ZNF827: variants seen among roughly 807,000 people sequenced by gnomAD.
ZNF827 encodes the protein zinc finger protein 827.
Under a neutral mutation model 102.4 loss-of-function variants are expected in ZNF827, and 13 were observed. The ratio of observed to expected loss-of-function variants is 0.13; its 90% CI spans 0.08 to 0.20. ZNF827 has a LOEUF of 0.20. Ranked by LOEUF, ZNF827 falls within the 10% of genes least tolerant of loss-of-function variation. The pLI, the probability that ZNF827 is intolerant of heterozygous loss-of-function variation, is 1.00. For missense variants in ZNF827, 1,103 were observed against 1,344.4 expected, an observed-to-expected ratio of 0.82 and a Z score of 2.81; for synonymous variants, 523 against 536.2, an observed-to-expected ratio of 0.98 and a Z score of 0.34.
Position 145,892,228 on chromosome 4 carries a change from C to A in ZNF827, c.1266+15G>T. ...TGCCTGCCTCTCCAGGAGGTGCAGT[C>A]GGTAGGTGGCTTACCTTCATGTGGG... On this transcript the variant is annotated intron_variant, in intron 3 of 14. Coordinates refer to ENST00000508784, the MANE Select transcript of ZNF827 (RefSeq NM_001306215.2). The A allele has an allele frequency of 1.3e-6, 2 of 1,594,506 alleles. No homozygotes were observed. The highest frequency in any genetic ancestry group is 1.7e-6 in the Non-Finnish European group (2 of 1,167,090).
At chr4:145,821,825 T>C (rs1743171588) in intron 8 of ZNF827, among the ~76,000 whole-genome samples, 1 of 152,176 alleles carries the variant, frequency 6.6e-6, no homozygotes. Flanking sequence ...GTTAAGCATA[T>C]AATGAAATCA....
At chr4:145,907,320 C>T (rs186199389) in intron 1 of ZNF827, 20 of 416,560 alleles carry the variant, frequency 4.8e-5, no homozygotes, top group African/African-American at 2.1e-4. Flanking sequence ...GCAGAGTGTA[C>T]GACAACCTGC....
intron 9 of ZNF827, among the ~76,000 whole-genome samples, chr4:145,778,525 T>C (rs1402819946): frequency 6.6e-6 from 1 of 152,050 alleles, no homozygotes; most frequent in African/African-American, 2.4e-5. Context: ...GATGGAAGGA[T>C]CACTTGAACC....
chr4:145,879,262 C>A (rs183451757), intron 4 of ZNF827, among the ~76,000 whole-genome samples: 2 of 152,340 alleles, frequency 1.3e-5, no homozygotes, highest in African/African-American at 4.8e-5. Flanking sequence ...TTTACTATTA[C>A]AGACCCTATA....
Position 145,761,155 on chromosome 4 carries a change from G to A in ZNF827, c.*461C>T. ...CGGGCCGGCCGGTTCCTTGGGGGCTGGACACAGGCCCTTCTTGTCCTCCTC... is the reference window on the plus strand; with the variant it reads ...CGGGCCGGCCGGTTCCTTGGGGGCTAGACACAGGCCCTTCTTGTCCTCCTC... On this transcript the variant is annotated 3_prime_UTR_variant, in exon 15 of 15. Transcript: ENST00000508784. This position sits in a 1 kb window ranked among gnomAD's most constrained non-coding sequence, Gnocchi z 6.8. The A allele has an allele frequency of 1.6e-6, 2 of 1,289,838 alleles. No homozygotes were observed. Among genetic ancestry groups the A allele is most frequent in the Non-Finnish European group, 2.0e-6 (2 of 988,858 alleles). 79.9% of individuals were successfully genotyped at this position (1,289,838 alleles called of 1,614,324 possible). A position where few individuals can be genotyped will look rare whatever the true frequency, so the allele number is the denominator to read the frequency against.
intron 5 of ZNF827, among the ~76,000 whole-genome samples, chr4:145,856,691 A>G (rs1747141182): frequency 1.4e-5 from 1 of 73,144 alleles, no homozygotes; most frequent in Non-Finnish European, 2.3e-5. Context: ...ATACACACAC[A>G]CACACACACA....
chr4:145,853,376 C>A (rs1481890891), intron 5 of ZNF827, among the ~76,000 whole-genome samples: 2 of 152,182 alleles, frequency 1.3e-5, no homozygotes, highest in South Asian at 2.1e-4. Context: ...CTTTTAGAAT[C>A]TCTTCCCAAA....
rs749225574 is a variant in ZNF827, at chr4:145,774,600, C to T, written c.2766G>A (p.Lys922=). ...FVSHMSLHVD[K]EQWMFSICCT... ...AGCAGATCGAAAACATCCACTGCTC[C>T]TTGTCCACGTGGAGTGACATGTGGC... The change falls in exon 11 of 15, where the codon AAG becomes AAA. Residue 922 remains lysine, a synonymous_variant. Coordinates refer to ENST00000508784, the MANE Select transcript of ZNF827 (RefSeq NM_001306215.2). 5.0e-6 allele frequency: 8 copies of T among 1,613,698 alleles called. No individual in the cohort carries two copies. Among genetic ancestry groups the T allele is most frequent in the Non-Finnish European group, 5.1e-6 (6 of 1,179,876 alleles).
intron 1 of ZNF827, among the ~76,000 whole-genome samples, chr4:145,912,641 G>C (rs1752372576): frequency 1.3e-5 from 2 of 152,184 alleles, no homozygotes; most frequent in Non-Finnish European, 1.5e-5. Flanking sequence ...CCTTATAAAA[G>C]GGGGAAATTT....
Position 145,899,029 on chromosome 4 carries a change from T to G in ZNF827, c.1093+3137A>C, listed in dbSNP as rs151253260. 3.3e-3 allele frequency among the ~76,000 whole-genome samples: 498 copies of G among 152,322 alleles called. 1 individual carries two copies. Among genetic ancestry groups the G allele is most frequent in the African/African-American group, 0.011 (457 of 41,572 alleles). On this transcript the variant is annotated intron_variant, in intron 2 of 14. Transcript: ENST00000508784. Reference sequence around the variant, plus strand: ...GGTGTGTAGTTTATTTTTGTGGCTTTTTGTTGTTGTTCTTGGGGGCGGTTA... The same window carrying G: ...GGTGTGTAGTTTATTTTTGTGGCTTGTTGTTGTTGTTCTTGGGGGCGGTTA...
chr4:145,839,775 TAC>T (rs1579338647), intron 7 of ZNF827, among the ~76,000 whole-genome samples: 2 of 152,208 alleles, frequency 1.3e-5, no homozygotes, highest in East Asian at 3.9e-4. Context: ...CTTACCAATT[TAC>T]ACTTCATTCC....
In ZNF827 at chr4:145,765,303, T is replaced by C; in HGVS notation, c.3053-138A>G. 1.9e-6 allele frequency: 2 copies of C among 1,051,968 alleles called. No individual in the cohort carries two copies. Among genetic ancestry groups the C allele is most frequent in the Non-Finnish European group, 2.7e-6 (2 of 746,526 alleles). 65.2% of individuals were successfully genotyped at this position (1,051,968 alleles called of 1,614,324 possible). A position where few individuals can be genotyped will look rare whatever the true frequency, so the allele number is the denominator to read the frequency against. ...ATACCCTTCCAGGCACTGTTCCCCA[T>C]ATCTCTGTGCTAAAAGGAGTTAAAT... On this transcript the variant is annotated intron_variant, in intron 12 of 14. Transcript: ENST00000508784. This position sits in a 1 kb window ranked among gnomAD's most constrained non-coding sequence, Gnocchi z 4.7.
At chr4:145,877,132 C>T (rs535531935) in intron 4 of ZNF827, among the ~76,000 whole-genome samples, 56 of 152,072 alleles carry the variant, frequency 3.7e-4, no homozygotes, top group Non-Finnish European at 6.8e-4. Flanking sequence ...TACTGTTTTC[C>T]ACTCCCTTAC....
In ZNF827 at chr4:145,870,440, C is replaced by A; in HGVS notation, c.1786G>T (p.Val596Leu). The change falls in exon 5 of 15, where the codon GTG becomes TTG. Residue 596 changes from valine to leucine, a missense_variant. Transcript: ENST00000508784. ...QKEPMNLNFK[V>L]KEEPKEGESL... is the part of the protein sequence containing the mutation. ...TCCCCTTCCTTAGGCTCCTCTTTCA[C>A]TTTAAAATTAAGATTCATGGGCTCC... The A allele has an allele frequency of 6.2e-7, 1 of 1,614,068 alleles. No homozygotes were observed. The highest frequency in any genetic ancestry group is 8.5e-7 in the Non-Finnish European group (1 of 1,180,018).
intron 5 of ZNF827, among the ~76,000 whole-genome samples, chr4:145,866,301 C>T (rs186597249): frequency 4.4e-4 from 67 of 152,314 alleles, no homozygotes; most frequent in African/African-American, 1.6e-3. Flanking sequence ...TTCAGGTCAC[C>T]GCAGAGATTA....
At chr4:145,844,245 C>T (rs1014370690) in intron 7 of ZNF827, among the ~76,000 whole-genome samples, 2 of 151,862 alleles carry the variant, frequency 1.3e-5, no homozygotes, top group Non-Finnish European at 2.9e-5. Context: ...CTTTCCATCC[C>T]CCGAAAGCCA....
At chr4:145,824,214 G>A (rs962934952) in intron 7 of ZNF827, among the ~76,000 whole-genome samples, 6 of 152,172 alleles carry the variant, frequency 3.9e-5, no homozygotes, top group African/African-American at 1.4e-4. Flanking sequence ...ATCCTGCCAG[G>A]GTTCCCTCTA....
chr4:145,928,911 A>G (rs1035704901), intron 1 of ZNF827, among the ~76,000 whole-genome samples: 9 of 152,216 alleles, frequency 5.9e-5, no homozygotes, highest in Non-Finnish European at 8.8e-5. Context: ...TGACGAGCAC[A>G]TGCCTGGGGA....
At chr4:145,855,862 C>T (rs1747046593) in intron 5 of ZNF827, among the ~76,000 whole-genome samples, 1 of 152,170 alleles carries the variant, frequency 6.6e-6, no homozygotes, top group Non-Finnish European at 1.5e-5. Flanking sequence ...TACCTTGTAT[C>T]TCCATCCTTG....
Sources: allele counts gnomAD v4.1 joint callset (sites outside exome capture counted in the v4.1 genomes callset), GRCh38; gene constraint gnomAD v4.1.1; non-coding constraint Gnocchi (gnomAD v3.1); transcripts MANE v1.5; gene names NCBI Gene and HGNC (gene_info 2026-07-23, HGNC 2026-07-21).